EMSY: variants seen among roughly 807,000 people sequenced by gnomAD.
EMSY encodes the protein EMSY transcriptional repressor, BRCA2 interacting, also known as BRCA2-interacting transcriptional repressor EMSY.
In EMSY, 26 loss-of-function variants were observed where a neutral mutation model predicts 134.6. That is an observed-to-expected ratio of 0.19 (90% CI 0.14 to 0.27). EMSY has a LOEUF of 0.27. EMSY is among the 10% of genes least tolerant of loss of function. The pLI is 1.00. For synonymous variants in EMSY, 579 were observed against 577.8 expected (o/e 1.00, Z -0.03); for missense variants, 1,305 against 1,611.4 (o/e 0.81, Z 3.26).
intron 10 of EMSY, among the ~76,000 whole-genome samples, chr11:76,515,447 G>A (rs1950418322): frequency 6.6e-6 from 1 of 152,096 alleles, no homozygotes. Context: ...AAAAGTGTTA[G>A]AAATAGTGGG....
At chr11:76,501,619 C>T (rs1379910477) in intron 9 of EMSY, among the ~76,000 whole-genome samples, 2 of 151,684 alleles carry the variant, frequency 1.3e-5, no homozygotes, top group Non-Finnish European at 2.9e-5. Flanking sequence ...ATCTGAAAAA[C>T]GATCAATAGA....
intron 7 of EMSY, among the ~76,000 whole-genome samples, chr11:76,470,344 A>G (rs895124421): frequency 6.6e-6 from 1 of 152,216 alleles, no homozygotes; most frequent in African/African-American, 2.4e-5. Flanking sequence ...TAAAAATGTG[A>G]TACTACAGAC....
intron 14 of EMSY, among the ~76,000 whole-genome samples, chr11:76,532,875 A>G (rs1479730364): frequency 1.3e-5 from 2 of 152,192 alleles, no homozygotes; most frequent in African/African-American, 4.8e-5. Flanking sequence ...GAGGGTGGGG[A>G]ATAAATCCAG....
intron 2 of EMSY, among the ~76,000 whole-genome samples, chr11:76,450,928 G>C (rs1044561140): frequency 6.6e-6 from 1 of 151,572 alleles, no homozygotes; most frequent in African/African-American, 2.4e-5. Context: ...TGAGAGGCTG[G>C]AACTACAGGT....
chr11:76,446,781 G>A, intron 1 of EMSY, 119 bp from the exon 2 acceptor site: 1 of 593,388 alleles, frequency 1.7e-6, no homozygotes, highest in Non-Finnish European at 2.9e-6. Flanking sequence ...AGAAAGGATT[G>A]TAAAATAGTA....
chr11:76,533,830 G>C (rs537788570), intron 14 of EMSY, among the ~76,000 whole-genome samples: 30 of 152,286 alleles, frequency 2.0e-4, no homozygotes, highest in African/African-American at 6.7e-4. Context: ...ACATGTTACT[G>C]GTGCAAGCTC....
At chr11:76,510,746 A>G (rs1950245520) in intron 9 of EMSY, among the ~76,000 whole-genome samples, 1 of 152,230 alleles carries the variant, frequency 6.6e-6, no homozygotes, top group South Asian at 2.1e-4. Context: ...AGCTGAGTGC[A>G]GGATGATATA....
intron 9 of EMSY, among the ~76,000 whole-genome samples, chr11:76,503,300 C>CA (rs61098325): frequency 0.56 from 39,856 of 71,010 alleles, 10,627 homozygotes; most frequent in Non-Finnish European, 0.59. Flanking sequence ...GGCGTGGTCT[C>CA]AAAAAAAAAA....
At chr11:76,551,157 G>A (rs760659523) in exon 21 of EMSY, 3 of 151,514 alleles carry the variant, frequency 2.0e-5, no homozygotes, top group Non-Finnish European at 4.4e-5. Context: ...TAAATGTAAT[G>A]TTTTTAAGCC....
chr11:76,498,294 C>T (rs773061231), intron 9 of EMSY, among the ~76,000 whole-genome samples: 2 of 151,938 alleles, frequency 1.3e-5, no homozygotes, highest in African/African-American at 2.4e-5. Context: ...TCTATGCTGC[C>T]GATGTTGGGT....
At chr11:76,549,232 A>G (rs557190436) in intron 20 of EMSY, among the ~76,000 whole-genome samples, 70 of 152,338 alleles carry the variant, frequency 4.6e-4, no homozygotes, top group Non-Finnish European at 1.3e-4. Context: ...GGACTAGTAC[A>G]AAAGCACTAA....
At chr11:76,469,492 T>A (rs544120363) in intron 7 of EMSY, among the ~76,000 whole-genome samples, 46 of 152,326 alleles carry the variant, frequency 3.0e-4, no homozygotes, top group African/African-American at 1.1e-3. Context: ...TGAAACAAAG[T>A]ATATTGAAAT....
At chr11:76,546,000 T>A (rs1951633277) in exon 20 of EMSY, 2 of 1,614,034 alleles carry the variant, frequency 1.2e-6, no homozygotes. Context: ...AAGCTCAGAT[T>A]GATACAAATG....
At chr11:76,539,533 AG>A (rs1555076523) in intron 16 of EMSY, 65 bp from the exon 18 acceptor site, 1 of 1,501,742 alleles carries the variant, frequency 6.7e-7, no homozygotes, top group Non-Finnish European at 9.3e-7. Flanking sequence ...CTCTGGGGGT[AG>A]ACTAGATTCT....
intron 8 of EMSY, among the ~76,000 whole-genome samples, chr11:76,477,439 GT>G (rs1156524507): frequency 1.3e-5 from 2 of 151,616 alleles, no homozygotes; most frequent in Non-Finnish European, 2.9e-5. Context: ...AGTCTGTTCT[GT>G]CCTCCCTGAT....
At chr11:76,459,712 C>T in intron 5 of EMSY, 3 of 481,850 alleles carry the variant, frequency 6.2e-6, no homozygotes, top group South Asian at 4.2e-5. Flanking sequence ...GCAATGTCAC[C>T]TGTAGACAAG....
At chr11:76,550,747 T>C (rs1056182352) in exon 21 of EMSY, 2 of 152,388 alleles carry the variant, frequency 1.3e-5, no homozygotes, top group Non-Finnish European at 2.9e-5. Context: ...TGCATTCTTA[T>C]CAGTTGTGTG....
At chr11:76,477,137 A>G (rs1313488407) in intron 8 of EMSY, among the ~76,000 whole-genome samples, 1 of 151,990 alleles carries the variant, frequency 6.6e-6, no homozygotes, top group Non-Finnish European at 1.5e-5. Flanking sequence ...CAATATGATT[A>G]TTGAACATAA....
At chr11:76,502,732 C>T (rs922891794) in intron 9 of EMSY, among the ~76,000 whole-genome samples, 3 of 151,882 alleles carry the variant, frequency 2.0e-5, no homozygotes, top group Admixed American at 2.0e-4. Context: ...ATAAATTTAA[C>T]AAAAGAAATA....
Sources: gnomAD v4.1 joint callset for allele counts (sites outside exome capture counted in the v4.1 genomes callset) on GRCh38, gnomAD v4.1.1 for gene constraint, MANE v1.5 for transcripts, NCBI Gene and HGNC (gene_info 2026-07-23, HGNC 2026-07-21) for gene names.